The following IL3RA variants were observed in gnomAD, a reference collection of about 807,000 sequenced individuals.
IL3RA encodes the protein interleukin-3 receptor subunit alpha.
IL3RA carries 73 observed loss-of-function variants against 52.3 expected under a neutral mutation model. That is an observed-to-expected ratio of 1.40 (90% CI 1.16 to 1.70). IL3RA has a LOEUF of 1.70. IL3RA is among the 40% of genes most tolerant of loss of function. The pLI is 0.00. For synonymous variants in IL3RA, 260 were observed against 194.0 expected (o/e 1.34, Z -2.83); for missense variants, 664 against 504.4 (o/e 1.32, Z -3.03).
rs184618967 is a variant in IL3RA, at chrX:1,362,926, C to A, written c.760-2212C>A. Among the ~76,000 whole-genome samples, 729 of 152,150 alleles carry A rather than the reference C, an allele frequency of 4.8e-3. 9 individuals are homozygous for A. The highest frequency in any genetic ancestry group is 0.017 in the African/African-American group (695 of 41,516). On this transcript the variant is annotated intron_variant, in intron 8 of 11. Coordinates refer to ENST00000331035, the MANE Select transcript of IL3RA (RefSeq NM_002183.4). ...GAGTAGCTGGGACTACAGGTGCACA[C>A]CACCACGCCTGGCTAATTTTTGTAT...
intron 8 of IL3RA, among the ~76,000 whole-genome samples, chrX:1,361,403 C>T (rs781304936): frequency 5.3e-5 from 8 of 152,116 alleles, no homozygotes; most frequent in African/African-American, 1.4e-4. Context: ...CTCACGATCA[C>T]GGCAGAAGGT....
chrX:1,348,981 C>G (rs2085951662), intron 4 of IL3RA, among the ~76,000 whole-genome samples: 1 of 148,900 alleles, frequency 6.7e-6, no homozygotes, highest in South Asian at 2.1e-4. Flanking sequence ...CTCTCTTTCT[C>G]TCTTTCCCCC....
intron 4 of IL3RA, among the ~76,000 whole-genome samples, chrX:1,349,786 A>C (rs2085999547): frequency 6.6e-6 from 1 of 151,542 alleles, no homozygotes; most frequent in African/African-American, 2.4e-5. Context: ...CCTCAGCCTC[A>C]CAAGTAGCTG....
chrX:1,349,626 T>C (rs6603269), intron 4 of IL3RA, among the ~76,000 whole-genome samples: 6 of 151,822 alleles, frequency 4.0e-5, no homozygotes, highest in East Asian at 3.9e-4. Flanking sequence ...CTTTGTTTTT[T>C]AATTAATTAG....
At chrX:1,337,858 T>A (rs1236706988) in intron 1 of IL3RA, among the ~76,000 whole-genome samples, 1 of 150,656 alleles carries the variant, frequency 6.6e-6, no homozygotes, top group Non-Finnish European at 1.5e-5. Context: ...AGCCAAGAGG[T>A]GGAGACAGCC....
intron 9 of IL3RA, among the ~76,000 whole-genome samples, chrX:1,378,324 G>C (rs1439076978): frequency 6.6e-6 from 1 of 152,164 alleles, no homozygotes. Context: ...CAAAGCACCT[G>C]CCGGCCTGCT....
At chrX:1,367,960 G>A (rs1323827376) in intron 9 of IL3RA, among the ~76,000 whole-genome samples, 1 of 152,056 alleles carries the variant, frequency 6.6e-6, no homozygotes, top group Non-Finnish European at 1.5e-5. Context: ...ACTCACGAGA[G>A]GAGACGTGGA....
intron 3 of IL3RA, among the ~76,000 whole-genome samples, chrX:1,347,176 G>A (rs2085779080): frequency 6.6e-6 from 1 of 151,588 alleles, no homozygotes; most frequent in Admixed American, 6.6e-5. Context: ...GCCGGGCGTG[G>A]TGGCTCACGC....
intron 4 of IL3RA, 137 bp downstream of exon 4, chrX:1,348,682 C>CTTTCTTTCTTTCTT (rs2085917033): frequency 4.0e-6 from 2 of 497,562 alleles, no homozygotes; most frequent in Non-Finnish European, 7.0e-6. Context: ...TTCTTTCTTT[C>CTTTCTTTCTTTCTT]TTTCTTTCTT....
At position 1,344,739 on chromosome X, in the gene IL3RA, C is replaced by T. The variant is rs747022216; in HGVS notation, c.65-577C>T. Among the ~76,000 whole-genome samples, 4 of 150,456 alleles carry T rather than the reference C, an allele frequency of 2.7e-5. No individual in the cohort carries two copies. The East Asian group carries it at 8.0e-4, about 30-fold the overall frequency. ...GGTGAGCTGAGATCGTGCCACTGCA[C>T]TCCAGCCTGGGTGACAAGAGCAAAA... On this transcript the variant is annotated intron_variant, in intron 2 of 11. Coordinates refer to ENST00000331035, the MANE Select transcript of IL3RA (RefSeq NM_002183.4).
intron 10 of IL3RA, among the ~76,000 whole-genome samples, chrX:1,379,497 C>T (rs1175352566): frequency 6.6e-6 from 1 of 152,172 alleles, no homozygotes; most frequent in Non-Finnish European, 1.5e-5. Flanking sequence ...CAGGTCCTCT[C>T]TGCTAGCTGC....
chrX:1,354,137 C>A (rs1449232922), intron 6 of IL3RA, among the ~76,000 whole-genome samples: 5 of 150,914 alleles, frequency 3.3e-5, no homozygotes, highest in African/African-American at 7.3e-5. Context: ...GTCATGGGAG[C>A]CCCCATCATG....
intron 4 of IL3RA, among the ~76,000 whole-genome samples, chrX:1,349,363 G>C (rs2085976109): frequency 1.3e-5 from 2 of 151,794 alleles, no homozygotes; most frequent in South Asian, 4.2e-4. Flanking sequence ...TGTATTTTTA[G>C]TAGAGATGGG....
At chrX:1,341,063 G>C (rs1227489700) in intron 1 of IL3RA, among the ~76,000 whole-genome samples, 1 of 152,072 alleles carries the variant, frequency 6.6e-6, no homozygotes, top group African/African-American at 2.4e-5. Context: ...GTTGCAGTGA[G>C]CCCAGATCAC....
intron 6 of IL3RA, among the ~76,000 whole-genome samples, chrX:1,355,663 G>A (rs2086655308): frequency 6.6e-6 from 1 of 151,774 alleles, no homozygotes; most frequent in Non-Finnish European, 1.5e-5. Context: ...GGCGGAGGTG[G>A]GGGAGGTGAG....
chrX:1,353,988 GGTCATGGGAGCCCCCATTGTGA>G (rs2086401754), intron 6 of IL3RA, among the ~76,000 whole-genome samples: 1 of 121,334 alleles, frequency 8.2e-6, no homozygotes, highest in African/African-American at 3.1e-5. Context: ...CCCCATCATG[GGTCATGGGAGCCCCCATTGTGA>G]GTCATGGAAT....
intron 1 of IL3RA, among the ~76,000 whole-genome samples, chrX:1,341,526 A>T (rs1439641667): frequency 1.6e-5 from 2 of 121,958 alleles, no homozygotes; most frequent in East Asian, 2.4e-4. Flanking sequence ...TCGTGCACAC[A>T]TGTAGAAGCA....
chrX:1,341,544 A>ACT (rs374315973), intron 1 of IL3RA, among the ~76,000 whole-genome samples, 184 bp from the exon 2 acceptor site: 134,654 of 152,156 alleles, frequency 0.88, 60,217 homozygotes, highest in Non-Finnish European at 0.96. Flanking sequence ...GCACACTCTG[A>ACT]TGTGCATGCA....
chrX:1,346,303 G>A (rs1447965547), intron 3 of IL3RA, among the ~76,000 whole-genome samples: 2 of 151,950 alleles, frequency 1.3e-5, no homozygotes, highest in African/African-American at 2.4e-5. Context: ...GCTGGGCATG[G>A]TGGTGGGCGC....
Sources: gnomAD v4.1 joint callset for allele counts (sites outside exome capture counted in the v4.1 genomes callset) on GRCh38, gnomAD v4.1.1 for gene constraint, MANE v1.5 for transcripts, NCBI Gene and HGNC (gene_info 2026-07-23, HGNC 2026-07-21) for gene names.